Variants in SCN2A observed in about 807,000 individuals in gnomAD.
The protein encoded by SCN2A is sodium channel protein type 2 subunit alpha.
SCN2A carries 20 observed loss-of-function variants against 188.7 expected under a neutral mutation model. The observed-to-expected ratio is 0.11, with a 90% CI of 0.07 to 0.15. SCN2A has a LOEUF of 0.15. Among genes scored for constraint, SCN2A ranks in the 10% least tolerant of loss-of-function variants. The pLI, the probability that SCN2A is intolerant of heterozygous loss-of-function variation, is 1.00. For missense variants in SCN2A, 1,278 were observed against 2,445.0 expected (o/e 0.52, Z 10.07); for synonymous variants, 804 against 833.1 (o/e 0.97, Z 0.60).
At chr2:165,307,286 A>G (rs1174373288) in intron 3 of SCN2A, among the ~76,000 whole-genome samples, 1 of 152,152 alleles carries the variant, frequency 6.6e-6, no homozygotes, top group East Asian at 1.9e-4. Flanking sequence ...GAACTTAATA[A>G]GTAATTTTGC....
intron 22 of SCN2A, among the ~76,000 whole-genome samples, chr2:165,375,911 T>C (rs1007651061): frequency 1.3e-5 from 2 of 151,786 alleles, no homozygotes; most frequent in Non-Finnish European, 2.9e-5. Flanking sequence ...TTATACAACA[T>C]TGATTCACCT....
At chr2:165,317,178 G>A (rs926596752) in intron 11 of SCN2A, among the ~76,000 whole-genome samples, 3 of 151,666 alleles carry the variant, frequency 2.0e-5, no homozygotes, top group African/African-American at 7.3e-5. Context: ...GCATACTTGG[G>A]GATTAATTCA....
chr2:165,264,488 C>T (rs766240173), intron 1 of SCN2A, among the ~76,000 whole-genome samples: 3 of 152,050 alleles, frequency 2.0e-5, no homozygotes, highest in Non-Finnish European at 2.9e-5. Context: ...GACCCACAGA[C>T]GACATCATAG....
chr2:165,291,575 T>TCCTTCCTTCCTTTCTCTCTC (rs1460696524), intron 1 of SCN2A, among the ~76,000 whole-genome samples: 2 of 70,584 alleles, frequency 2.8e-5, no homozygotes, highest in African/African-American at 9.3e-5. Context: ...CTTCCTTCCT[T>TCCTTCCTTCCTTTCTCTCTC]TCTCTCTCTC....
intron 1 of SCN2A, among the ~76,000 whole-genome samples, chr2:165,260,397 T>A (rs995747494): frequency 2.6e-5 from 4 of 152,146 alleles, no homozygotes; most frequent in African/African-American, 9.7e-5. Flanking sequence ...AAAGAATAGT[T>A]TTTTTCTGAG....
chr2:165,288,137 TG>T (rs1312363362), intron 1 of SCN2A, among the ~76,000 whole-genome samples: 2 of 152,048 alleles, frequency 1.3e-5, no homozygotes, highest in African/African-American at 4.8e-5. Flanking sequence ...GCATTTGTAT[TG>T]ATTTGTGTCT....
chr2:165,277,557 A>T (rs1283958292), intron 1 of SCN2A, among the ~76,000 whole-genome samples: 2 of 152,128 alleles, frequency 1.3e-5, no homozygotes, highest in Non-Finnish European at 1.5e-5. Flanking sequence ...GCAGCTTCTG[A>T]TTGGTTAGCC....
intron 1 of SCN2A, among the ~76,000 whole-genome samples, chr2:165,249,032 A>G (rs1469760339): frequency 6.6e-6 from 1 of 152,170 alleles, no homozygotes; most frequent in Non-Finnish European, 1.5e-5. Context: ...TGTATCATTA[A>G]TAGTTACTGA....
At chr2:165,335,274 A>G (rs1241930627) in intron 14 of SCN2A, among the ~76,000 whole-genome samples, 2 of 151,722 alleles carry the variant, frequency 1.3e-5, no homozygotes, top group Admixed American at 6.6e-5. Flanking sequence ...TTTATATGAA[A>G]ATGCAAGAGA....
chr2:165,350,460 CTTTCTTTTTTTT>C (rs1398651259), intron 16 of SCN2A, among the ~76,000 whole-genome samples: 8 of 77,916 alleles, frequency 1.0e-4, no homozygotes, highest in African/African-American at 3.5e-4. Flanking sequence ...GAACTGTTTT[CTTTCTTTTTTTT>C]TTTTTTTTTT....
chr2:165,256,000 C>CTTTTTT (rs765804959), intron 1 of SCN2A, among the ~76,000 whole-genome samples: 2,564 of 88,256 alleles, frequency 0.029, 138 homozygotes, highest in African/African-American at 0.06. Context: ...GGGCTCTTTT[C>CTTTTTT]TTTTTTTTTT....
At chr2:165,373,003 T>C in intron 20 of SCN2A, 2 of 484,432 alleles carry the variant, frequency 4.1e-6, no homozygotes, top group Non-Finnish European at 7.5e-6. Flanking sequence ...CGCAGACTAG[T>C]ATCATTAACT....
In SCN2A at chr2:165,364,215, G is replaced by A. The variant is rs1047804186; in HGVS notation, c.3400-928G>A. ...ATGGTAATAACATTGTAACAGGTCC[G>A]AGAATGCTGTGGCCCAAACTACTCT... On this transcript the variant is annotated intron_variant, in intron 17 of 26. Transcript: ENST00000375437. Among the ~76,000 whole-genome samples, 12 of 151,978 alleles carry A rather than the reference G, an allele frequency of 7.9e-5. 1 individual carries two copies. The highest frequency in any genetic ancestry group is 4.6e-4 in the Admixed American group (7 of 15,244).
chr2:165,338,890 A>G lies in SCN2A; in HGVS notation c.2389-3406A>G, dbSNP rs527997294. On this transcript the variant is annotated intron_variant, in intron 14 of 26. Transcript: ENST00000375437. ...AAAACTGTCAGTAAACTAGGAATAG[A>G]AAGTAGCTATCTCAAGTTGTTAAGG... 7.2e-4 allele frequency among the ~76,000 whole-genome samples: 110 copies of G among 152,316 alleles called. 2 individuals are homozygous for G. In the South Asian group the frequency reaches 0.021, roughly 29 times the overall value.
At chr2:165,268,540 G>C (rs1423439557) in intron 1 of SCN2A, 1 of 152,062 alleles carries the variant, frequency 6.6e-6, no homozygotes, top group Non-Finnish European at 1.5e-5. Context: ...ATACCTCAAA[G>C]TAATAAAAGC....
chr2:165,295,519 C>T (rs1389370761), intron 1 of SCN2A, among the ~76,000 whole-genome samples: 1 of 152,214 alleles, frequency 6.6e-6, no homozygotes, highest in African/African-American at 2.4e-5. Context: ...CCACAAGTAG[C>T]ACAATCACTT....
intron 3 of SCN2A, among the ~76,000 whole-genome samples, chr2:165,306,507 TGTGTGTGTG>T: frequency 1.6e-3 from 1 of 644 alleles, no homozygotes; most frequent in African/African-American, 1.9e-3. Flanking sequence ...TGGTATTTTG[TGTGTGTGTG>T]TGTGTGTGTG....
intron 11 of SCN2A, chr2:165,320,397 T>A (rs1698010881): frequency 1.3e-5 from 2 of 152,274 alleles, no homozygotes; most frequent in South Asian, 4.1e-4. Flanking sequence ...GGATCTATTA[T>A]TCTTGGGTCT....
At chr2:165,260,543 T>A in intron 1 of SCN2A, among the ~76,000 whole-genome samples, 1 of 152,096 alleles carries the variant, frequency 6.6e-6, no homozygotes, top group East Asian at 1.9e-4. Context: ...GGCCCTAGGA[T>A]TTTTGGAATG....
Sources: gnomAD v4.1 joint callset for allele counts (sites outside exome capture counted in the v4.1 genomes callset) on GRCh38, gnomAD v4.1.1 for gene constraint, MANE v1.5 for transcripts, NCBI Gene and HGNC (gene_info 2026-07-23, HGNC 2026-07-21) for gene names.